The following ZNF723 variants were observed in gnomAD, a reference collection of about 807,000 sequenced individuals.
The protein encoded by ZNF723 is zinc finger protein 723.
ZNF723 carries 5 observed loss-of-function variants against 9.4 expected under a neutral mutation model. The ratio of observed to expected loss-of-function variants is 0.53; its 90% CI spans 0.28 to 1.12. ZNF723 has a LOEUF of 1.12. Ranked by LOEUF, ZNF723 falls within the 50% of genes most tolerant of loss-of-function variation. ZNF723 has a pLI of 0.10. For missense variants in ZNF723, 450 were observed against 501.5 expected, an observed-to-expected ratio of 0.90 and a Z score of 0.98; for synonymous variants, 158 against 168.8, an observed-to-expected ratio of 0.94 and a Z score of 0.49.
upstream of ZNF723, among the ~76,000 whole-genome samples, chr19:22,830,041 GTT>G (rs35701187): frequency 2.1e-4 from 31 of 150,202 alleles, no homozygotes; most frequent in East Asian, 5.5e-3. Context: ...TTTCTCTAAA[GTT>G]TTTTTTTTCT....
chr19:22,833,931 T>C (rs1967130771), intron 1 of ZNF723, among the ~76,000 whole-genome samples: 1 of 140,730 alleles, frequency 7.1e-6, no homozygotes, highest in Non-Finnish European at 1.5e-5. Context: ...GCGTACTTTT[T>C]TTTTTTTTTT....
intron 1 of ZNF723, among the ~76,000 whole-genome samples, chr19:22,843,877 A>AAATTATAC (rs1967277180): frequency 3.3e-5 from 5 of 152,318 alleles, no homozygotes; most frequent in Middle Eastern, 6.8e-3. Context: ...TGGCTAAAAA[A>AAATTATAC]AATTATACAA....
At chr19:22,832,257 A>G (rs941954479), upstream of ZNF723, 5 of 1,063,140 alleles carry the variant, frequency 4.7e-6, no homozygotes, top group Non-Finnish European at 6.8e-6. Flanking sequence ...CCGCAGCTAG[A>G]GCGGACAGGG....
chr19:22,822,824 T>C, the ZNF723 span, among the ~76,000 whole-genome samples: 1 of 152,058 alleles, frequency 6.6e-6, no homozygotes, highest in Non-Finnish European at 1.5e-5. Context: ...ATCGCGCCAC[T>C]GCACTCCAGC....
chr19:22,856,692 A>G (rs371238876), intron 3 of ZNF723, among the ~76,000 whole-genome samples: 55 of 152,324 alleles, frequency 3.6e-4, no homozygotes, highest in African/African-American at 1.3e-3. Flanking sequence ...TTATTTTAGC[A>G]CTTTATGTCA....
the ZNF723 span, among the ~76,000 whole-genome samples, chr19:22,814,400 G>A: frequency 0.025 from 3,744 of 152,238 alleles, 54 homozygotes; most frequent in East Asian, 0.075. Flanking sequence ...TATGAACATG[G>A]CCCACTGTTG....
At chr19:22,846,358 C>G (rs1967309623) in intron 1 of ZNF723, among the ~76,000 whole-genome samples, 1 of 152,142 alleles carries the variant, frequency 6.6e-6, no homozygotes, top group Non-Finnish European at 1.5e-5. Flanking sequence ...TGCGGTGGCT[C>G]CCACCTGTAA....
chr19:22,824,946 A>G, the ZNF723 span, among the ~76,000 whole-genome samples: 2 of 152,208 alleles, frequency 1.3e-5, no homozygotes, highest in African/African-American at 4.8e-5. Context: ...TAACAGCACA[A>G]GAGTCTCAGA....
At chr19:22,837,716 C>T (rs1003723916) in intron 1 of ZNF723, among the ~76,000 whole-genome samples, 1 of 152,214 alleles carries the variant, frequency 6.6e-6, no homozygotes, top group African/African-American at 2.4e-5. Flanking sequence ...TTCCCACCCA[C>T]TCACAGTCAT....
At chr19:22,855,521 A>G (rs1237125972) in intron 3 of ZNF723, among the ~76,000 whole-genome samples, 1 of 152,014 alleles carries the variant, frequency 6.6e-6, no homozygotes, top group Non-Finnish European at 1.5e-5. Context: ...GAGTCACCAC[A>G]CCTGGCCTGT....
the ZNF723 span, among the ~76,000 whole-genome samples, chr19:22,813,421 G>C: frequency 1.5e-3 from 234 of 152,218 alleles, 1 homozygote; most frequent in African/African-American, 5.4e-3. Context: ...GGGTTGGAGG[G>C]GGGAGGATTG....
intron 1 of ZNF723, among the ~76,000 whole-genome samples, chr19:22,843,369 A>C (rs1332436419): frequency 6.6e-6 from 1 of 152,148 alleles, no homozygotes; most frequent in Non-Finnish European, 1.5e-5. Context: ...TCAGTGTAAA[A>C]AATTGAGTCT....
chr19:22,856,980 G>C lies in ZNF723; in HGVS notation c.227-138G>C, dbSNP rs1967487964. ...GTCTGTATGTTTTTGTTACATTTAT[G>C]TCTATGAAGTAATTATGGCCTATGG... On this transcript the variant is annotated intron_variant, in intron 3 of 3. Coordinates refer to ENST00000600766, the MANE Select transcript of ZNF723 (RefSeq NM_001349726.2). The C allele has an allele frequency of 6.6e-6, 3 of 453,504 alleles. No individual in the cohort carries two copies. In the South Asian group the frequency reaches 1.9e-4, roughly 29 times the overall value. 28.1% of individuals were successfully genotyped at this position (453,504 alleles called of 1,614,324 possible).
intron 1 of ZNF723, among the ~76,000 whole-genome samples, chr19:22,837,797 A>ATTTT (rs1967186151): frequency 6.6e-6 from 1 of 152,106 alleles, no homozygotes; most frequent in African/African-American, 2.4e-5. Flanking sequence ...TAACCATGGC[A>ATTTT]TTTTTGATCC....
rs1186948330 is a variant in ZNF723, at chr19:22,849,217, A to C, written c.150A>C (p.Pro50=). The change falls in exon 3 of 4, where the codon CCA becomes CCC. Residue 50 remains proline, a synonymous_variant. Transcript: ENST00000600766. ...AAACAGGTGTTGGTGTCTCTAAGCCAGATTTAATCACCTGTCTGGAGCAAG... is the reference window on the plus strand; with the variant it reads ...AAACAGGTGTTGGTGTCTCTAAGCCCGATTTAATCACCTGTCTGGAGCAAG... ...LVFLGVGVSK[P]DLITCLEQGK... The C allele has an allele frequency of 4.7e-6, 3 of 636,276 alleles. No individual in the cohort carries two copies. Among genetic ancestry groups the C allele is most frequent in the Non-Finnish European group, 5.7e-6 (2 of 350,754 alleles). The allele number at this position is 636,276 out of a possible 1,614,324, so 39.4% of individuals were successfully genotyped here.
chr19:22,817,746 A>T, the ZNF723 span, among the ~76,000 whole-genome samples: 5 of 152,302 alleles, frequency 3.3e-5, no homozygotes, highest in East Asian at 9.6e-4. Context: ...AAGAAATGCT[A>T]TCTCTCACAG....
intron 3 of ZNF723, among the ~76,000 whole-genome samples, chr19:22,856,254 T>C (rs183076873): frequency 6.6e-6 from 1 of 152,316 alleles, no homozygotes; most frequent in Admixed American, 6.5e-5. Flanking sequence ...CCACTGTGCC[T>C]GGCCAGAATT....
At chr19:22,847,891 A>G (rs1967336035) in intron 1 of ZNF723, among the ~76,000 whole-genome samples, 1 of 152,080 alleles carries the variant, frequency 6.6e-6, no homozygotes, top group African/African-American at 2.4e-5. Flanking sequence ...ATCCGAGGTC[A>G]GGAGTTCGAG....
the ZNF723 span, among the ~76,000 whole-genome samples, chr19:22,815,273 T>C: frequency 6.6e-6 from 1 of 152,168 alleles, no homozygotes; most frequent in Non-Finnish European, 1.5e-5. Flanking sequence ...AATATTTCTG[T>C]ATCTGACACC....
Sources: gnomAD v4.1 joint callset for allele counts (sites outside exome capture counted in the v4.1 genomes callset) on GRCh38, gnomAD v4.1.1 for gene constraint, MANE v1.5 for transcripts, NCBI Gene and HGNC (gene_info 2026-07-23, HGNC 2026-07-21) for gene names.